Variants in CDH18 observed in about 807,000 individuals in gnomAD.
CDH18 encodes cadherin 18.
In CDH18, 31 loss-of-function variants were observed where a neutral mutation model predicts 67.9. That is an observed-to-expected ratio of 0.46 (90% CI 0.34 to 0.62). CDH18 has a LOEUF of 0.62. Among genes scored for constraint, CDH18 ranks in the 20% least tolerant of loss-of-function variants. The pLI, the probability that CDH18 is intolerant of heterozygous loss-of-function variation, is 0.01. For missense variants in CDH18, 890 were observed against 975.5 expected (o/e 0.91, Z 1.17); for synonymous variants, 362 against 347.2 (o/e 1.04, Z -0.48).
chr5:20,322,421 G>A (rs1351505616), intron 1 of CDH18, among the ~76,000 whole-genome samples: 1 of 152,100 alleles, frequency 6.6e-6, no homozygotes, highest in African/African-American at 2.4e-5. Flanking sequence ...CAAGATATAT[G>A]TTCTTGTCAA....
At chr5:20,232,350 T>G (rs1198373576) in intron 2 of CDH18, among the ~76,000 whole-genome samples, 1 of 152,170 alleles carries the variant, frequency 6.6e-6, no homozygotes, top group Admixed American at 6.5e-5. Flanking sequence ...AGGCTGAACC[T>G]ACTTATTTGA....
At chr5:20,235,676 G>T (rs183048649) in intron 2 of CDH18, among the ~76,000 whole-genome samples, 1 of 152,254 alleles carries the variant, frequency 6.6e-6, no homozygotes, top group African/African-American at 2.4e-5. Flanking sequence ...CACTATTGGT[G>T]GGAACCTAAA....
At chr5:20,392,342 G>GA (rs932668179) in intron 1 of CDH18, among the ~76,000 whole-genome samples, 3 of 151,738 alleles carry the variant, frequency 2.0e-5, no homozygotes, top group Admixed American at 1.3e-4. Flanking sequence ...AGAAATTATA[G>GA]AAAAAAACTA....
intron 2 of CDH18, among the ~76,000 whole-genome samples, chr5:20,059,255 T>C (rs1223121669): frequency 6.6e-6 from 1 of 152,180 alleles, no homozygotes; most frequent in Non-Finnish European, 1.5e-5. Context: ...GGTGTGTCTA[T>C]TTTGTTAATC....
chr5:20,161,007 C>A (rs1207426345), intron 2 of CDH18, among the ~76,000 whole-genome samples: 1 of 152,194 alleles, frequency 6.6e-6, no homozygotes, highest in Non-Finnish European at 1.5e-5. Context: ...TTTGTTTGTT[C>A]ACATACTGAC....
chr5:20,516,196 T>C lies in CDH18; in HGVS notation c.-580+59266A>G, dbSNP rs142669104. On this transcript the variant is annotated intron_variant, in intron 1 of 14. Coordinates refer to the CDH18 transcript ENST00000507958. The stretch of plus-strand genomic sequence containing the variant: ...GGATTTTTTTTCCTTTTGTAAAATA[T>C]TAAGTAAAAAATAGAATTTGCTGTA... Among the ~76,000 whole-genome samples, 66 of 152,100 alleles carry C rather than the reference T, an allele frequency of 4.3e-4. No individual in the cohort carries two copies. In the East Asian group the frequency reaches 0.011, roughly 26 times the overall value.
intron 1 of CDH18, among the ~76,000 whole-genome samples, chr5:20,513,826 C>A (rs966661504): frequency 6.6e-6 from 1 of 151,982 alleles, no homozygotes; most frequent in Non-Finnish European, 1.5e-5. Context: ...CACAGCAAAT[C>A]GCATGACCAT....
intron 2 of CDH18, among the ~76,000 whole-genome samples, chr5:19,843,240 G>T (rs1782546703): frequency 6.6e-6 from 1 of 152,200 alleles, no homozygotes; most frequent in African/African-American, 2.4e-5. Flanking sequence ...TCCTGGGCCA[G>T]GCCCAGTGCC....
At chr5:20,292,528 T>C (rs901316223) in intron 1 of CDH18, among the ~76,000 whole-genome samples, 1 of 152,158 alleles carries the variant, frequency 6.6e-6, no homozygotes, top group South Asian at 2.1e-4. Context: ...AATGCAGTTA[T>C]ATTAGCTGCC....
At chr5:19,566,394 A>C (rs1456539100) in intron 8 of CDH18, among the ~76,000 whole-genome samples, 4 of 152,244 alleles carry the variant, frequency 2.6e-5, no homozygotes, top group African/African-American at 9.6e-5. Flanking sequence ...AAGAAAATGT[A>C]TTAGTCCGTT....
At chr5:19,678,311 A>G (rs1221692913) in intron 5 of CDH18, among the ~76,000 whole-genome samples, 1 of 151,982 alleles carries the variant, frequency 6.6e-6, no homozygotes, top group African/African-American at 2.4e-5. Context: ...AGAAGTATAA[A>G]TAAATACTAG....
chr5:19,892,772 G>A (rs188150717), intron 2 of CDH18, among the ~76,000 whole-genome samples: 19 of 152,080 alleles, frequency 1.2e-4, no homozygotes, highest in Admixed American at 1.1e-3. Flanking sequence ...CATTTTCTAG[G>A]CCCAGTCAAG....
chr5:20,080,070 G>A (rs573459221), intron 2 of CDH18, among the ~76,000 whole-genome samples: 16 of 152,146 alleles, frequency 1.1e-4, no homozygotes, highest in African/African-American at 2.6e-4. Flanking sequence ...TTGGGGGAAC[G>A]CAAATATTCA....
At chr5:20,479,800 C>T (rs1025475138) in intron 1 of CDH18, among the ~76,000 whole-genome samples, 6 of 151,952 alleles carry the variant, frequency 3.9e-5, no homozygotes, top group African/African-American at 1.5e-4. Flanking sequence ...GGTTCCAGAG[C>T]ACCAAGTATA....
rs1210464172 is a variant in CDH18 at position 20,242,604 on chromosome 5, A to T, written c.-518+12840T>A. Among the ~76,000 whole-genome samples, 403 of 70,398 alleles carry T rather than the reference A, an allele frequency of 5.7e-3. 53 individuals carry two copies. The highest frequency in any genetic ancestry group is 0.036 in the African/African-American group (366 of 10,150). 46.2% of individuals were successfully genotyped at this position (70,398 alleles called of 152,430 possible). On this transcript the variant is annotated intron_variant, in intron 2 of 14. Coordinates refer to the CDH18 transcript ENST00000507958. ...TTTGGGTTTCATTGAGGGAAAAAAA[A>T]AAAAAAAATATATATATATATATAT... is the stretch of plus-strand genomic sequence containing the variant.
In CDH18 at chr5:20,261,725, C is replaced by T. The variant is rs537203136; in HGVS notation, c.-579-6220G>A. 1.1e-3 allele frequency among the ~76,000 whole-genome samples: 171 copies of T among 150,314 alleles called. 2 individuals carry two copies. Among genetic ancestry groups the T allele is most frequent in the South Asian group, 9.4e-3 (45 of 4,770 alleles). On this transcript the variant is annotated intron_variant, in intron 1 of 14. Transcript: ENST00000507958. ...CAGCCTGGGCGACAGAGCGAGACTC[C>T]GTTTAAAAAAAAAAAATGATAGAGA...
At chr5:20,351,797 G>C (rs1193678093) in intron 1 of CDH18, among the ~76,000 whole-genome samples, 4 of 152,084 alleles carry the variant, frequency 2.6e-5, no homozygotes, top group African/African-American at 9.7e-5. Flanking sequence ...AGCAAATTTT[G>C]CCTGTTGGTG....
In CDH18 at chr5:20,269,691, C is replaced by T. The variant is rs543373136; in HGVS notation, c.-579-14186G>A. Among the ~76,000 whole-genome samples the T allele has an allele frequency of 5.9e-5, 9 of 151,840 alleles. No homozygotes were observed. The South Asian group carries it at 6.2e-4, about 11-fold the overall frequency. On this transcript the variant is annotated intron_variant, in intron 1 of 14. Coordinates refer to the CDH18 transcript ENST00000507958. ...AGTGTATTCATATGTATGTAGAAAA[C>T]GAAATTATAGATATTGTAGACTTAG...
intron 3 of CDH18, among the ~76,000 whole-genome samples, chr5:19,791,495 T>C (rs1013606241): frequency 2.6e-5 from 4 of 152,126 alleles, no homozygotes; most frequent in African/African-American, 9.7e-5. Flanking sequence ...ATAATTGTAT[T>C]ATGTAAGGAT....
Sources: gnomAD v4.1 joint callset for allele counts (sites outside exome capture counted in the v4.1 genomes callset) on GRCh38, gnomAD v4.1.1 for gene constraint, MANE v1.5 for transcripts, NCBI Gene and HGNC (gene_info 2026-07-23, HGNC 2026-07-21) for gene names.